The following PAMR1 variants were observed in gnomAD, a reference collection of about 807,000 sequenced individuals.
PAMR1 encodes the protein inactive serine protease PAMR1.
Under a neutral mutation model 81.8 loss-of-function variants are expected in PAMR1, and 88 were observed. The ratio of observed to expected loss-of-function variants is 1.08; its 90% CI spans 0.91 to 1.28. The LOEUF (loss-of-function observed/expected upper bound fraction) is 1.28. Among genes scored for constraint, PAMR1 ranks in the 50% most tolerant of loss-of-function variants. The pLI is 0.00. For missense variants in PAMR1, 935 were observed against 919.7 expected (o/e 1.02, Z -0.21); for synonymous variants, 336 against 345.3 (o/e 0.97, Z 0.30).
chr11:35,465,086 G>A (rs554743942), intron 6 of PAMR1, among the ~76,000 whole-genome samples: 40 of 152,226 alleles, frequency 2.6e-4, no homozygotes, highest in Non-Finnish European at 5.0e-4. Context: ...GAACTAAGTG[G>A]GAAATGTGAA....
intron 1 of PAMR1, among the ~76,000 whole-genome samples, chr11:35,511,361 T>C (rs1403431494): frequency 6.6e-6 from 1 of 152,252 alleles, no homozygotes; most frequent in Non-Finnish European, 1.5e-5. Context: ...TAAGAAAATA[T>C]GTTGCCATGA....
rs116365627 is a variant in PAMR1 at position 35,449,698 on chromosome 11, C to T, written c.821-8005G>A. Among the ~76,000 whole-genome samples the T allele has an allele frequency of 7.5e-3, 1,145 of 152,284 alleles. 17 individuals carry two copies. The highest frequency in any genetic ancestry group is 0.026 in the African/African-American group (1,098 of 41,564). On this transcript the variant is annotated intron_variant, in intron 6 of 10. Coordinates refer to ENST00000619888, the MANE Select transcript of PAMR1 (RefSeq NM_001001991.3). ...CCCAAGCAGCCTCCGAGAGACTGCA[C>T]AGCTCTGTGCTTGAGACCAAAGGCC...
intron 6 of PAMR1, among the ~76,000 whole-genome samples, chr11:35,450,399 A>G (rs1488818906): frequency 6.6e-6 from 1 of 152,210 alleles, no homozygotes; most frequent in Non-Finnish European, 1.5e-5. Context: ...AGTATAAAAA[A>G]GGGACCCCAC....
At chr11:35,515,610 G>A (rs1423032299) in intron 1 of PAMR1, among the ~76,000 whole-genome samples, 1 of 152,164 alleles carries the variant, frequency 6.6e-6, no homozygotes, top group Non-Finnish European at 1.5e-5. Context: ...TTTTAAGGGG[G>A]CCTCAGTGTT....
At chr11:35,461,284 C>G (rs1856648614) in intron 6 of PAMR1, among the ~76,000 whole-genome samples, 1 of 152,252 alleles carries the variant, frequency 6.6e-6, no homozygotes, top group Non-Finnish European at 1.5e-5. Context: ...AATGGTGGGT[C>G]TGGCCCTTTC....
intron 6 of PAMR1, among the ~76,000 whole-genome samples, chr11:35,452,323 C>T (rs1856436249): frequency 6.6e-6 from 1 of 151,176 alleles, no homozygotes; most frequent in Admixed American, 6.6e-5. Flanking sequence ...CAAAAAGAGA[C>T]AAAAAGATTT....
At chr11:35,458,372 T>C (rs1172729687) in intron 6 of PAMR1, among the ~76,000 whole-genome samples, 1 of 152,228 alleles carries the variant, frequency 6.6e-6, no homozygotes, top group African/African-American at 2.4e-5. Context: ...TAATTATTTG[T>C]ACCCTGCTTG....
chr11:35,503,507 C>T (rs1428729089), intron 1 of PAMR1, among the ~76,000 whole-genome samples: 2 of 152,096 alleles, frequency 1.3e-5, no homozygotes, highest in Non-Finnish European at 2.9e-5. Context: ...AATCCATAAG[C>T]ATGCAATATC....
intron 1 of PAMR1, among the ~76,000 whole-genome samples, chr11:35,524,334 A>C (rs1006360503): frequency 6.6e-6 from 1 of 152,236 alleles, no homozygotes; most frequent in Non-Finnish European, 1.5e-5. Context: ...GGCTCTAGGT[A>C]GATGGAAAGT....
intron 3 of PAMR1, among the ~76,000 whole-genome samples, chr11:35,479,365 A>G (rs920521557): frequency 6.6e-6 from 1 of 152,224 alleles, no homozygotes; most frequent in Non-Finnish European, 1.5e-5. Context: ...TCTCATTTGG[A>G]AATGAGAATA....
intron 3 of PAMR1, among the ~76,000 whole-genome samples, chr11:35,480,658 T>C (rs1368862202): frequency 6.6e-6 from 1 of 152,234 alleles, no homozygotes; most frequent in Non-Finnish European, 1.5e-5. Flanking sequence ...TTCTTTTAAA[T>C]ACTTTTCAAA....
At chr11:35,474,814 A>G (rs1478449987) in intron 3 of PAMR1, 70 bp from the exon 4 acceptor site, 2 of 1,022,024 alleles carry the variant, frequency 2.0e-6, no homozygotes, top group Non-Finnish European at 3.0e-6. Flanking sequence ...GAAGGTCTCA[A>G]CGAGACTTTG....
In PAMR1 at chr11:35,523,695, C is replaced by A. The variant is rs535978667; in HGVS notation, c.73+1818G>T. 4.6e-5 allele frequency among the ~76,000 whole-genome samples: 7 copies of A among 152,218 alleles called. No individual in the cohort carries two copies. In the South Asian group the frequency reaches 1.4e-3, roughly 32 times the overall value. On this transcript the variant is annotated intron_variant, in intron 1 of 10. Transcript: ENST00000619888. The stretch of plus-strand genomic sequence containing the variant: ...AGCAGGGAGTGGACTTCCTTCACTC[C>A]TTGAGGAAATATTTTCCTTCTCCAC...
chr11:35,434,537 T>A lies in PAMR1; in HGVS notation c.1601A>T (p.Asp534Val), dbSNP rs138978009. 7,132 of 1,613,934 alleles carry A rather than the reference T, an allele frequency of 4.4e-3. 33 individuals are homozygous for A. The highest frequency in any genetic ancestry group is 5.3e-3 in the Non-Finnish European group (6,258 of 1,179,926). ...CTGTAGGCTCTGGATGGTCTTCTCATCCCGGTCATCATCCCGGTAGAATTT... is the reference window on the plus strand; with the variant it reads ...CTGTAGGCTCTGGATGGTCTTCTCAACCCGGTCATCATCCCGGTAGAATTT... The part of the protein sequence containing the change: ...LGKFYRDDDR[D>V]EKTIQSLQIS... Residue 534 changes from aspartate (D) to valine (V), a missense_variant, in exon 10 of 11, where the codon GAT becomes GTT. By Grantham distance (152) the Asp-to-Val change is radical. Transcript: ENST00000619888.
intron 4 of PAMR1, among the ~76,000 whole-genome samples, chr11:35,471,297 C>T (rs972915898): frequency 5.3e-5 from 8 of 152,182 alleles, no homozygotes; most frequent in Non-Finnish European, 1.2e-4. Flanking sequence ...TGTGGCCTGT[C>T]TTCTCCACTG....
chr11:35,474,554 A>C (rs1326078849), intron 4 of PAMR1, 76 bp downstream of exon 4: 2 of 795,802 alleles, frequency 2.5e-6, no homozygotes, highest in Admixed American at 2.6e-5. Flanking sequence ...AGAGGATCCC[A>C]GTGACCAAGA....
intron 8 of PAMR1, among the ~76,000 whole-genome samples, chr11:35,437,765 T>A (rs1245710950): frequency 6.6e-6 from 1 of 152,242 alleles, no homozygotes; most frequent in Non-Finnish European, 1.5e-5. Flanking sequence ...TTCTGAATAG[T>A]GCAGGGGCCC....
chr11:35,520,672 T>A (rs1372757043), intron 1 of PAMR1, among the ~76,000 whole-genome samples: 1 of 152,112 alleles, frequency 6.6e-6, no homozygotes, highest in African/African-American at 2.4e-5. Context: ...ATCCACAAAG[T>A]GAGGATGACA....
At chr11:35,451,053 T>C (rs528014228) in intron 6 of PAMR1, among the ~76,000 whole-genome samples, 2 of 152,366 alleles carry the variant, frequency 1.3e-5, no homozygotes, top group Non-Finnish European at 2.9e-5. Flanking sequence ...AACTGTACTC[T>C]AGCCACATCT....
Sources: gnomAD v4.1 joint callset for allele counts (sites outside exome capture counted in the v4.1 genomes callset) on GRCh38, gnomAD v4.1.1 for gene constraint, MANE v1.5 for transcripts, NCBI Gene and HGNC (gene_info 2026-07-23, HGNC 2026-07-21) for gene names.